ARHGAP23: variants seen among roughly 807,000 people sequenced by gnomAD.
ARHGAP23 encodes the protein Rho GTPase activating protein 23.
Under a neutral mutation model 136.3 loss-of-function variants are expected in ARHGAP23, and 34 were observed. The observed-to-expected ratio is 0.25, with a 90% CI of 0.19 to 0.33. The LOEUF (loss-of-function observed/expected upper bound fraction) is 0.33. Ranked by LOEUF, ARHGAP23 falls within the 10% of genes least tolerant of loss-of-function variation. The pLI is 1.00. For missense variants in ARHGAP23, 1,808 were observed against 2,139.0 expected, an observed-to-expected ratio of 0.85 and a Z score of 3.05; for synonymous variants, 832 against 920.5, an observed-to-expected ratio of 0.90 and a Z score of 1.74.
At chr17:38,462,247 CTTTTTTT>C (rs59822011) in intron 3 of ARHGAP23, among the ~76,000 whole-genome samples, 3 of 46,880 alleles carry the variant, frequency 6.4e-5, no homozygotes, top group Non-Finnish European at 7.2e-5. Context: ...CGCACCCGGC[CTTTTTTT>C]TTTTTTTTTT....
At chr17:38,451,153 T>TC (rs1422857314) in intron 1 of ARHGAP23, 9 of 152,044 alleles carry the variant, frequency 5.9e-5, no homozygotes, top group Non-Finnish European at 1.2e-4. Context: ...GCGGAGAGGC[T>TC]CCCCAGGCCT....
chr17:38,500,688 T>C, intron 23 of ARHGAP23, 60 bp downstream of exon 23: 1 of 1,466,498 alleles, frequency 6.8e-7, no homozygotes, highest in South Asian at 1.2e-5. Flanking sequence ...ACTTTGGTTT[T>C]TGTTCAAGGG....
intron 1 of ARHGAP23, among the ~76,000 whole-genome samples, chr17:38,421,370 TG>T (rs1205081753): frequency 6.6e-6 from 1 of 152,154 alleles, no homozygotes; most frequent in Non-Finnish European, 1.5e-5. Context: ...CCCACAGACA[TG>T]GACTCTGATG....
At chr17:38,492,077 T>C (rs558255181) in intron 20 of ARHGAP23, among the ~76,000 whole-genome samples, 9 of 152,266 alleles carry the variant, frequency 5.9e-5, no homozygotes, top group African/African-American at 2.2e-4. Flanking sequence ...GTGCTTGGCA[T>C]GTACTGGGCT....
chr17:38,456,955 G>A (rs914958218), intron 1 of ARHGAP23, among the ~76,000 whole-genome samples: 9 of 152,146 alleles, frequency 5.9e-5, no homozygotes, highest in Non-Finnish European at 1.0e-4. Context: ...CTGTCACTAG[G>A]CTGGAGTGCA....
In ARHGAP23 at chr17:38,469,932, G is replaced by A. The variant is rs947187802; in HGVS notation, c.1974+28G>A. The A allele has an allele frequency of 3.4e-5, 53 of 1,550,916 alleles. No homozygotes were observed. In the Middle Eastern group the frequency reaches 8.3e-4, roughly 24 times the overall value. On this transcript the variant is annotated intron_variant, in intron 10 of 23. Transcript: ENST00000622683. ...GAGAGCTGCAAGTGTGTGTGCGTGC[G>A]CAGGAGCGAGGGTGTGGGGAGAGAG...
At chr17:38,463,016 G>C (rs1444193015) in intron 4 of ARHGAP23, 75 bp downstream of exon 4, 1 of 1,532,920 alleles carries the variant, frequency 6.5e-7, no homozygotes, top group African/African-American at 1.4e-5. Flanking sequence ...CAGGTGTTGG[G>C]GAGGCTCCTG....
chr17:38,458,036 G>T, intron 1 of ARHGAP23, 66 bp from the exon 2 acceptor site: 1 of 1,519,754 alleles, frequency 6.6e-7, no homozygotes, highest in Non-Finnish European at 8.8e-7. Context: ...GGCTGCAGGA[G>T]GTGGTGCAAA....
intron 4 of ARHGAP23, 70 bp downstream of exon 4, chr17:38,463,011 G>T: frequency 6.5e-7 from 1 of 1,534,610 alleles, no homozygotes; most frequent in Non-Finnish European, 8.8e-7. Flanking sequence ...AGATCCAGGT[G>T]TTGGGGAGGC....
chr17:38,491,579 C>T lies in ARHGAP23; in HGVS notation c.3276+47C>T, dbSNP rs910196077. 1.9e-6 allele frequency: 3 copies of T among 1,547,980 alleles called. No individual in the cohort carries two copies. In the Admixed American group the frequency reaches 5.9e-5, roughly 30 times the overall value. On this transcript the variant is annotated intron_variant, in intron 20 of 23. Coordinates refer to ENST00000622683, the MANE Select transcript of ARHGAP23 (RefSeq NM_001199417.2). ...CGCCCGGCAGCCCCTGGGGCCCAGG[C>T]CATGTTCCTCTGAGCCCCTCGCTCT...
At position 38,428,497 on chromosome 17, in the gene ARHGAP23, C is replaced by T; in HGVS notation, c.12C>T (p.Val4=). 6.9e-7 allele frequency: 1 copy of T among 1,452,624 alleles called. No homozygotes were observed. Among genetic ancestry groups the T allele is most frequent in the Non-Finnish European group, 9.0e-7 (1 of 1,105,732 alleles). The allele number at this position is 1,452,624 out of a possible 1,614,324, so 90.0% of individuals were successfully genotyped here. MNG[V]AFCLVGIPPR... ...GCCGCTGCCACCCGATGAATGGAGT[C>T]GCCTTCTGCCTGGTCGGGATCCCGC... The change falls in exon 1 of 24, where the codon GTC becomes GTT. Residue 4 remains valine (V), a synonymous_variant. Coordinates refer to ENST00000622683, the MANE Select transcript of ARHGAP23 (RefSeq NM_001199417.2).
In ARHGAP23 at chr17:38,445,489, A is replaced by AAT. The variant is rs201954931; in HGVS notation, c.64-12601_64-12600dup. ...ACAAGAGCGAAACTCCATCTGAAAAAATATATATATATAAAACAAAATTTA... is the reference window on the plus strand; with the variant it reads ...ACAAGAGCGAAACTCCATCTGAAAAAATATATATATATATAAAACAAAATTTA... On this transcript the variant is annotated intron_variant, in intron 1 of 23. Coordinates refer to ENST00000622683, the MANE Select transcript of ARHGAP23 (RefSeq NM_001199417.2). 2.9e-4 allele frequency among the ~76,000 whole-genome samples: 44 copies of AAT among 151,588 alleles called. No homozygotes were observed. In the East Asian group the frequency reaches 7.4e-3, roughly 25 times the overall value.
chr17:38,454,952 A>G (rs934957638), intron 1 of ARHGAP23, among the ~76,000 whole-genome samples: 4 of 152,238 alleles, frequency 2.6e-5, no homozygotes, highest in African/African-American at 9.6e-5. Context: ...GTTTGGAAAT[A>G]GATCCAGGCC....
At chr17:38,500,007 G>A (rs1325906457) in intron 22 of ARHGAP23, among the ~76,000 whole-genome samples, 2 of 152,194 alleles carry the variant, frequency 1.3e-5, no homozygotes, top group African/African-American at 4.8e-5. Flanking sequence ...CCCCAGGTCC[G>A]GAGGTGGAAC....
rs1313171372 is a variant in ARHGAP23, at chr17:38,466,447, G to A, written c.764G>A (p.Gly255Asp). 1.3e-6 allele frequency: 2 copies of A among 1,525,054 alleles called. No homozygotes were observed. The highest frequency in any genetic ancestry group is 1.8e-6 in the Non-Finnish European group (2 of 1,138,942). The allele number at this position is 1,525,054 out of a possible 1,614,324, so 94.5% of individuals were successfully genotyped here. ...ATGAGCCAGCCCCGCCCCAGCCCTGGTGCCTTCCCCCACCTCTCCTCGGAG... is the reference window on the plus strand; with the variant it reads ...ATGAGCCAGCCCCGCCCCAGCCCTGATGCCTTCCCCCACCTCTCCTCGGAG... ...LGMSQPRPSPGAFPHLSSEPR... is the reference protein window; with the variant it reads ...LGMSQPRPSPDAFPHLSSEPR... Residue 255 changes from glycine to aspartate, a missense_variant, in exon 7 of 24, where the codon GGT becomes GAT. By Grantham distance (94) the Gly-to-Asp change is moderately conservative. Transcript: ENST00000622683.
rs1401234888 is a variant in ARHGAP23, at chr17:38,490,091, C to T, written c.2987-11C>T. ...CCCCCACCTCTCTAAAGAGTCTCCG[C>T]TGTGTTCTAGACAAATACAACGACT... On this transcript the variant is annotated splice_polypyrimidine_tract_variant and intron_variant, in intron 17 of 23. Transcript: ENST00000622683. The T allele has an allele frequency of 6.4e-7, 1 of 1,551,374 alleles. No individual in the cohort carries two copies. Among genetic ancestry groups the T allele is most frequent in the Non-Finnish European group, 8.7e-7 (1 of 1,146,698 alleles).
chr17:38,456,608 A>G (rs575183776), intron 1 of ARHGAP23, among the ~76,000 whole-genome samples: 3 of 152,218 alleles, frequency 2.0e-5, no homozygotes, highest in African/African-American at 7.2e-5. Flanking sequence ...ACATGATGTT[A>G]TGGATTTAAG....
At chr17:38,500,057 G>A (rs959400159) in intron 22 of ARHGAP23, among the ~76,000 whole-genome samples, 10 of 152,186 alleles carry the variant, frequency 6.6e-5, no homozygotes, top group South Asian at 2.1e-4. Context: ...CACCTCCTGC[G>A]TCCCACCCAC....
At chr17:38,450,686 G>A (rs1225039738) in intron 1 of ARHGAP23, 1 of 152,238 alleles carries the variant, frequency 6.6e-6, no homozygotes, top group Non-Finnish European at 1.5e-5. Flanking sequence ...GATTGCAGGT[G>A]TGAGCCACCA....
Sources: allele counts gnomAD v4.1 joint callset (sites outside exome capture counted in the v4.1 genomes callset), GRCh38; gene constraint gnomAD v4.1.1; transcripts MANE v1.5; gene names NCBI Gene and HGNC (gene_info 2026-07-23, HGNC 2026-07-21).